EMP1: variants seen among roughly 807,000 people sequenced by gnomAD.
EMP1 encodes the protein epithelial membrane protein 1.
EMP1 carries 5 observed loss-of-function variants against 15.7 expected under a neutral mutation model. The observed-to-expected ratio is 0.32, with a 90% CI of 0.17 to 0.67. EMP1 has a LOEUF of 0.67. EMP1 is among the 30% of genes least tolerant of loss of function. The probability of loss-of-function intolerance (pLI) is 0.74; values close to 1 mark genes in which losing one functional copy is unlikely to be tolerated. For missense variants in EMP1, 166 were observed against 194.2 expected, an observed-to-expected ratio of 0.85 and a Z score of 0.86; for synonymous variants, 78 against 76.7, an observed-to-expected ratio of 1.02 and a Z score of -0.09.
chr12:13,202,350 A>G lies in EMP1; in HGVS notation c.-43+5478A>G, dbSNP rs561500961. Reference sequence around the variant, plus strand: ...TGCCCACCAGGCTGGAACCTCTTCAATGTTTCTCCTCTTCCAGGTCAGATC... The same window carrying G: ...TGCCCACCAGGCTGGAACCTCTTCAGTGTTTCTCCTCTTCCAGGTCAGATC... On this transcript the variant is annotated intron_variant, in intron 1 of 4. Transcript: ENST00000256951. Among the ~76,000 whole-genome samples the G allele has an allele frequency of 1.2e-4, 18 of 152,264 alleles. No individual in the cohort carries two copies. The South Asian group carries it at 2.3e-3, about 19-fold the overall frequency.
Position 13,197,886 on chromosome 12 carries a change from C to T in EMP1, c.-43+1014C>T, listed in dbSNP as rs144787831. ...GAAACGTGGGAGGGGTTCACTTGGT[C>T]GAAGCAGGAGCTGATGAGGATTCCA... is the stretch of plus-strand genomic sequence containing the variant. On this transcript the variant is annotated intron_variant, in intron 1 of 4. Coordinates refer to ENST00000256951, the MANE Select transcript of EMP1 (RefSeq NM_001423.3). Among the ~76,000 whole-genome samples, 568 of 152,188 alleles carry T rather than the reference C, an allele frequency of 3.7e-3. 3 individuals carry two copies. Among genetic ancestry groups the T allele is most frequent in the African/African-American group, 0.013 (545 of 41,518 alleles).
intron 1 of EMP1, among the ~76,000 whole-genome samples, chr12:13,206,385 C>G (rs1418141340): frequency 6.6e-6 from 1 of 152,208 alleles, no homozygotes; most frequent in Admixed American, 6.5e-5. Flanking sequence ...CTCACCCACT[C>G]TCAAATGAAT....
At chr12:13,203,791 G>A (rs1313518898) in intron 1 of EMP1, among the ~76,000 whole-genome samples, 1 of 152,266 alleles carries the variant, frequency 6.6e-6, no homozygotes, top group Non-Finnish European at 1.5e-5. Flanking sequence ...GCCTGTAGGA[G>A]CCACTGACCA....
chr12:13,198,580 T>C (rs1864034909), intron 1 of EMP1, among the ~76,000 whole-genome samples: 1 of 152,242 alleles, frequency 6.6e-6, no homozygotes. Flanking sequence ...TATTTCCACA[T>C]TACATGGATG....
In EMP1 at chr12:13,211,923, T is replaced by C; in HGVS notation, c.78+335T>C. ...GAGTGGTAGATGGCTGAGGTTTCTC[T>C]TAGTGAAAGAGGGAAGGTGGAAGGA... On this transcript the variant is annotated intron_variant, in intron 2 of 4. Transcript: ENST00000256951. The surrounding 1 kb of genome is among the most constrained non-coding windows in gnomAD (Gnocchi z 4.7). The C allele has an allele frequency of 3.3e-6, 1 of 301,318 alleles. No individual in the cohort carries two copies. Among genetic ancestry groups the C allele is most frequent in the Non-Finnish European group, 6.2e-6 (1 of 160,574 alleles). The allele number at this position is 301,318 out of a possible 1,614,324, so 18.7% of individuals were successfully genotyped here.
chr12:13,211,210 G>A lies in EMP1; in HGVS notation c.-42-259G>A, dbSNP rs1156904466. Among the ~76,000 whole-genome samples, 2 of 152,140 alleles carry A rather than the reference G, an allele frequency of 1.3e-5. No homozygotes were observed. Among genetic ancestry groups the A allele is most frequent in the Non-Finnish European group, 2.9e-5 (2 of 68,032 alleles). On this transcript the variant is annotated intron_variant, in intron 1 of 4. Transcript: ENST00000256951. This position sits in a 1 kb window ranked among gnomAD's most constrained non-coding sequence, Gnocchi z 4.7. The stretch of plus-strand genomic sequence containing the variant: ...TCTTGTTCCTTTTTTGAAATAGAAT[G>A]TATTAGAGAAATGAATATGTAAATA...
At chr12:13,212,122 A>G (rs967156384) in intron 2 of EMP1, among the ~76,000 whole-genome samples, 1 of 152,220 alleles carries the variant, frequency 6.6e-6, no homozygotes, top group Non-Finnish European at 1.5e-5. Context: ...AGACTGACAA[A>G]TTCAAATTTT....
At chr12:13,210,695 C>T (rs1293621930) in intron 1 of EMP1, among the ~76,000 whole-genome samples, 2 of 152,196 alleles carry the variant, frequency 1.3e-5, no homozygotes, top group Non-Finnish European at 2.9e-5. Flanking sequence ...TTTAAAGCCC[C>T]CAGAACCATC....
Position 13,196,889 on chromosome 12 carries a change from C to T in EMP1, c.-43+17C>T, listed in dbSNP as rs12368966. On this transcript the variant is annotated intron_variant, in intron 1 of 4. Transcript: ENST00000256951. ...ACCCTTCAGGTAGGACAGCTCCCAA[C>T]GCTGTGGGGACTCTCAGCAAAACTT... The T allele has an allele frequency of 0.24, 36,088 of 152,162 alleles. 4,724 individuals are homozygous for T. Among genetic ancestry groups the T allele is most frequent in the East Asian group, 0.52 (2,684 of 5,140 alleles). 9.4% of individuals were successfully genotyped at this position (152,162 alleles called of 1,614,324 possible). A position where few individuals can be genotyped will look rare whatever the true frequency, so the allele number is the denominator to read the frequency against.
In EMP1 at chr12:13,214,566, ACT is replaced by A; in HGVS notation, c.350_351del (p.Thr117LysfsTer7). On this transcript the variant is annotated frameshift_variant, in exon 5 of 5. Transcript: ENST00000256951. LOFTEE classifies it high-confidence loss of function. ...CATTCTTGTGGGGGTGTCCATCTAC[ACT>A]AGTCATTATGCGAATCGTGATGGAA... ...LCILVGVSIY[T>X]SHYANRDGTQ... The A allele has an allele frequency of 6.2e-7, 1 of 1,613,920 alleles. No homozygotes were observed. The highest frequency in any genetic ancestry group is 1.1e-5 in the South Asian group (1 of 91,062).
At chr12:13,198,019 T>C (rs141743476) in intron 1 of EMP1, among the ~76,000 whole-genome samples, 1,691 of 152,256 alleles carry the variant, frequency 0.011, 15 homozygotes, top group Non-Finnish European at 0.017. Flanking sequence ...TAAAAATTGT[T>C]GAGTGGCTTT....
chr12:13,210,771 A>G (rs1864158188), intron 1 of EMP1, among the ~76,000 whole-genome samples: 1 of 152,250 alleles, frequency 6.6e-6, no homozygotes, highest in African/African-American at 2.4e-5. Context: ...CATGAGGCAC[A>G]CAGAGCCCAA....
chr12:13,214,062 T>C (rs753888611), intron 4 of EMP1: 6 of 681,410 alleles, frequency 8.8e-6, no homozygotes, highest in Non-Finnish European at 1.6e-5. Context: ...GCATATCTGT[T>C]AGTAGCACGT....
intron 1 of EMP1, among the ~76,000 whole-genome samples, chr12:13,197,407 C>T (rs1864024447): frequency 6.6e-6 from 1 of 152,176 alleles, no homozygotes; most frequent in Admixed American, 6.5e-5. Flanking sequence ...CTGTTTGCTT[C>T]CCTATTCACT....
rs979185468 is a variant in EMP1 at position 13,202,069 on chromosome 12, G to A, written c.-43+5197G>A. 2.0e-5 allele frequency among the ~76,000 whole-genome samples: 3 copies of A among 152,104 alleles called. No individual in the cohort carries two copies. In the South Asian group the frequency reaches 6.2e-4, roughly 32 times the overall value. On this transcript the variant is annotated intron_variant, in intron 1 of 4. Transcript: ENST00000256951. ...GGGAGGAGGCAGGCAGAAAGACCTA[G>A]AAGCAGGAGAAAAAGCTAAGTGGAT...
chr12:13,198,327 A>G (rs1864032719), intron 1 of EMP1, among the ~76,000 whole-genome samples: 1 of 152,132 alleles, frequency 6.6e-6, no homozygotes, highest in Non-Finnish European at 1.5e-5. Flanking sequence ...GCCCATTTCA[A>G]CATAGACACT....
intron 1 of EMP1, among the ~76,000 whole-genome samples, chr12:13,208,463 G>A (rs192261125): frequency 2.0e-5 from 3 of 152,192 alleles, no homozygotes; most frequent in African/African-American, 7.2e-5. Context: ...GGATGATTCA[G>A]CCCAGAAACT....
intron 1 of EMP1, chr12:13,209,368 T>C (rs546874540): frequency 6.6e-6 from 1 of 152,152 alleles, no homozygotes; most frequent in East Asian, 1.9e-4. Context: ...TCTCCCCCCT[T>C]AAGGGGCAAG....
At chr12:13,213,853 A>G in intron 4 of EMP1, 32 bp downstream of exon 4, 1 of 1,611,400 alleles carries the variant, frequency 6.2e-7, no homozygotes, top group Non-Finnish European at 8.5e-7. Context: ...TCCAGTTTAC[A>G]CTTTTAAGTC....
Sources: gnomAD v4.1 joint callset for allele counts (sites outside exome capture counted in the v4.1 genomes callset) on GRCh38, gnomAD v4.1.1 for gene constraint, Gnocchi (gnomAD v3.1) non-coding constraint, MANE v1.5 for transcripts, NCBI Gene and HGNC (gene_info 2026-07-23, HGNC 2026-07-21) for gene names.